The following CASS4 variants were observed in gnomAD, a reference collection of about 807,000 sequenced individuals.
The protein encoded by CASS4 is cas scaffolding protein family member 4.
Under a neutral mutation model 54.2 loss-of-function variants are expected in CASS4, and 22 were observed. The ratio of observed to expected loss-of-function variants is 0.41; its 90% CI spans 0.29 to 0.58. CASS4 has a LOEUF of 0.58. Among genes scored for constraint, CASS4 ranks in the 20% least tolerant of loss-of-function variants. The pLI, the probability that CASS4 is intolerant of heterozygous loss-of-function variation, is 0.36. For synonymous variants in CASS4, 409 were observed against 391.5 expected (o/e 1.04, Z -0.53); for missense variants, 854 against 986.7 (o/e 0.87, Z 1.80).
chr20:56,424,740 CAAAA>C (rs759106984), intron 1 of CASS4, among the ~76,000 whole-genome samples: 17 of 72,074 alleles, frequency 2.4e-4, no homozygotes, highest in Non-Finnish European at 2.0e-4. Flanking sequence ...GACTCTGTCT[CAAAA>C]AAAAAAAAAA....
intron 1 of CASS4, among the ~76,000 whole-genome samples, chr20:56,421,757 G>A (rs530434016): frequency 6.6e-5 from 10 of 152,114 alleles, no homozygotes; most frequent in Admixed American, 6.5e-4. Flanking sequence ...ATTGGTGTCG[G>A]CATAATTGCT....
intron 1 of CASS4, among the ~76,000 whole-genome samples, chr20:56,413,480 C>T (rs542367405): frequency 1.3e-5 from 2 of 151,852 alleles, no homozygotes; most frequent in Admixed American, 6.6e-5. Flanking sequence ...TGAGACCAGC[C>T]TGATCAACAT....
chr20:56,446,611 A>C (rs1980725781), intron 3 of CASS4, among the ~76,000 whole-genome samples: 1 of 152,066 alleles, frequency 6.6e-6, no homozygotes, highest in Non-Finnish European at 1.5e-5. Flanking sequence ...GTGATCAAAA[A>C]ATAGCTTTGC....
intron 1 of CASS4, among the ~76,000 whole-genome samples, chr20:56,413,987 T>C (rs1226931572): frequency 1.3e-5 from 2 of 152,178 alleles, no homozygotes; most frequent in Non-Finnish European, 2.9e-5. Flanking sequence ...TCTTTGAAAA[T>C]AAATGGCCAA....
rs893399927 is a variant in CASS4, at chr20:56,460,204, A to G, written c.*1457A>G. 48 of 152,662 alleles carry G rather than the reference A, an allele frequency of 3.1e-4. No homozygotes were observed. Among genetic ancestry groups the G allele is most frequent in the African/African-American group, 1.2e-3 (48 of 41,546 alleles). The allele number at this position is 152,662 out of a possible 1,614,324, so 9.5% of individuals were successfully genotyped here. A position where few individuals can be genotyped will look rare whatever the true frequency, so the allele number is the denominator to read the frequency against. ...TCTATTAATTTATTTCATACATTAT[A>G]GATTCTGGGTTGATAAATTCTGCTC... is the stretch of plus-strand genomic sequence containing the variant. On this transcript the variant is annotated 3_prime_UTR_variant, in exon 6 of 6. Coordinates refer to ENST00000679887, the MANE Select transcript of CASS4 (RefSeq NM_020356.4).
In CASS4 at chr20:56,452,178, C is replaced by A. The variant is rs767639107; in HGVS notation, c.1002C>A (p.Ser334Arg). ...DEDVSYKVPS[S>R]FLIPRVEQQN... ...ATGTCAGCTACAAGGTTCCTTCAAG[C>A]TTTCTGATTCCCCGAGTGGAACAGC... The change falls in exon 5 of 6, where the codon AGC becomes AGA. Residue 334 changes from serine to arginine, a missense_variant. Transcript: ENST00000679887. 6.2e-7 allele frequency: 1 copy of A among 1,614,202 alleles called. No homozygotes were observed. The highest frequency in any genetic ancestry group is 8.5e-7 in the Non-Finnish European group (1 of 1,180,042).
chr20:56,417,446 C>T (rs1328948639), intron 1 of CASS4, among the ~76,000 whole-genome samples: 2 of 152,156 alleles, frequency 1.3e-5, no homozygotes, highest in Non-Finnish European at 1.5e-5. Context: ...AAATCACTTC[C>T]CCCCTACACA....
chr20:56,455,535 A>G (rs967981405), intron 5 of CASS4, among the ~76,000 whole-genome samples: 2 of 152,208 alleles, frequency 1.3e-5, no homozygotes, highest in Non-Finnish European at 2.9e-5. Context: ...TGGGCCTGCC[A>G]TATTGCTGAC....
intron 1 of CASS4, among the ~76,000 whole-genome samples, chr20:56,420,862 G>A (rs990250993): frequency 2.6e-5 from 4 of 152,114 alleles, no homozygotes; most frequent in Admixed American, 1.3e-4. Context: ...AGACATTCTC[G>A]GTAAGCCCCC....
intron 5 of CASS4, among the ~76,000 whole-genome samples, chr20:56,457,762 C>T (rs1018535027): frequency 8.1e-6 from 1 of 123,976 alleles, no homozygotes; most frequent in African/African-American, 2.9e-5. Flanking sequence ...CCCTGTAATC[C>T]CAGCACTTTA....
chr20:56,452,732 A>G lies in CASS4; in HGVS notation c.1556A>G (p.Gln519Arg). 6.2e-7 allele frequency: 1 copy of G among 1,614,162 alleles called. No individual in the cohort carries two copies. Among genetic ancestry groups the G allele is most frequent in the South Asian group, 1.1e-5 (1 of 91,086 alleles). ...AACCTTCAGAACAGAATTCGGGACCAGATGCAGACCATCTCCAACTCCTAC... is the reference window on the plus strand; with the variant it reads ...AACCTTCAGAACAGAATTCGGGACCGGATGCAGACCATCTCCAACTCCTAC... ...DSNLQNRIRDQMQTISNSYRI... is the reference protein window; with the variant it reads ...DSNLQNRIRDRMQTISNSYRI... The change falls in exon 5 of 6, where the codon CAG (glutamine) becomes CGG (arginine). Residue 519 changes from glutamine (Q) to arginine (R), a missense_variant. Transcript: ENST00000679887.
rs186179221 is a variant in CASS4, at chr20:56,430,365, T to C, written c.37-6799T>C. On this transcript the variant is annotated intron_variant, in intron 1 of 5. Coordinates refer to ENST00000679887, the MANE Select transcript of CASS4 (RefSeq NM_020356.4). The surrounding 1 kb of genome is among the most constrained non-coding windows in gnomAD (Gnocchi z 4.2). The stretch of plus-strand genomic sequence containing the variant: ...TGAAGATGGGCATTTGGGGGAAATG[T>C]CCTTTTTGGAAATCGTTTAAGAACA... Among the ~76,000 whole-genome samples, 1 of 152,238 alleles carries C rather than the reference T, an allele frequency of 6.6e-6. No homozygotes were observed. The highest frequency in any genetic ancestry group is 2.4e-5 in the African/African-American group (1 of 41,456).
At chr20:56,449,650 TAATA>T (rs549667307) in intron 3 of CASS4, among the ~76,000 whole-genome samples, 2 of 151,546 alleles carry the variant, frequency 1.3e-5, no homozygotes, top group East Asian at 1.9e-4. Context: ...CAGATAAAAA[TAATA>T]AATAAATAAA....
chr20:56,450,907 G>A (rs576027453), intron 4 of CASS4, among the ~76,000 whole-genome samples: 2 of 151,956 alleles, frequency 1.3e-5, no homozygotes, highest in East Asian at 3.9e-4. Context: ...GGTAGTGGGC[G>A]CCTGTAATCC....
At chr20:56,417,735 C>T (rs1979212585) in intron 1 of CASS4, among the ~76,000 whole-genome samples, 1 of 152,208 alleles carries the variant, frequency 6.6e-6, no homozygotes, top group East Asian at 1.9e-4. Context: ...AGGAACAGCA[C>T]TACTTTCTAG....
At chr20:56,448,477 CT>C (rs1170195828) in intron 3 of CASS4, among the ~76,000 whole-genome samples, 1 of 152,108 alleles carries the variant, frequency 6.6e-6, no homozygotes, top group Non-Finnish European at 1.5e-5. Flanking sequence ...CGCCCAACCA[CT>C]GTGACCCCAA....
At chr20:56,441,847 T>G (rs1432645135) in intron 2 of CASS4, among the ~76,000 whole-genome samples, 2 of 152,176 alleles carry the variant, frequency 1.3e-5, no homozygotes, top group African/African-American at 4.8e-5. Context: ...CTTTTGGTTT[T>G]TCTAAATACT....
chr20:56,440,028 G>A (rs1467375072), intron 2 of CASS4, among the ~76,000 whole-genome samples: 1 of 152,240 alleles, frequency 6.6e-6, no homozygotes, highest in Admixed American at 6.5e-5. Context: ...TTCCAAGGTT[G>A]TCTTCAAACA....
intron 2 of CASS4, among the ~76,000 whole-genome samples, chr20:56,438,923 G>A (rs1164487357): frequency 6.6e-6 from 1 of 152,248 alleles, no homozygotes; most frequent in Non-Finnish European, 1.5e-5. Flanking sequence ...ATGTGCATGT[G>A]TGCTCTCACA....
Sources: gnomAD v4.1 joint callset for allele counts (sites outside exome capture counted in the v4.1 genomes callset) on GRCh38, gnomAD v4.1.1 for gene constraint, Gnocchi (gnomAD v3.1) non-coding constraint, MANE v1.5 for transcripts, NCBI Gene and HGNC (gene_info 2026-07-23, HGNC 2026-07-21) for gene names.